Variants in GLCE observed in about 807,000 individuals in gnomAD.
GLCE encodes the protein glucuronic acid epimerase.
Under a neutral mutation model 47.9 loss-of-function variants are expected in GLCE, and 19 were observed. The observed-to-expected ratio is 0.40, with a 90% CI of 0.28 to 0.58. The LOEUF is 0.58. GLCE is among the 20% of genes least tolerant of loss of function. GLCE has a pLI of 0.48. For missense variants in GLCE, 556 were observed against 743.3 expected, an observed-to-expected ratio of 0.75 and a Z score of 2.93; for synonymous variants, 245 against 263.4, an observed-to-expected ratio of 0.93 and a Z score of 0.68.
In GLCE at chr15:69,180,377, C is replaced by G. The variant is rs534222419; in HGVS notation, c.-105+19620C>G. Among the ~76,000 whole-genome samples the G allele has an allele frequency of 1.1e-4, 16 of 152,054 alleles. 1 individual carries two copies. In the South Asian group the frequency reaches 3.1e-3, roughly 30 times the overall value. On this transcript the variant is annotated intron_variant, in intron 1 of 4. Transcript: ENST00000261858. ...CCTACCCCTACCCTGAGAAGACATA[C>G]ATTTTAGATGAGTGAATTAAAAAAA...
At chr15:69,255,558 A>G (rs760315636) in intron 2 of GLCE, among the ~76,000 whole-genome samples, 15 of 152,144 alleles carry the variant, frequency 9.9e-5, no homozygotes, top group East Asian at 1.9e-4. Flanking sequence ...ACAAACTAAG[A>G]AAGTTTGAAC....
At chr15:69,265,473 A>C (rs2053072461) in intron 4 of GLCE, among the ~76,000 whole-genome samples, 2 of 152,166 alleles carry the variant, frequency 1.3e-5, no homozygotes, top group South Asian at 4.1e-4. Context: ...GATTGTTGTG[A>C]AGATTATAAT....
In GLCE at chr15:69,261,253, T is replaced by C. The variant is rs2053010020; in HGVS notation, c.753T>C (p.Thr251=). Residue 251 remains threonine (T), a synonymous_variant, in exon 4 of 5, where the codon ACT becomes ACC. Transcript: ENST00000261858. The part of the protein sequence containing the change: ...DRDKNKPNDW[T]VPKGCFMANV... ...ACAAAAACAAGCCTAATGACTGGAC[T>C]GTGCCAAAGGGCTGCTTTATGGCGA... is the stretch of plus-strand genomic sequence containing the variant. 2 of 1,614,008 alleles carry C rather than the reference T, an allele frequency of 1.2e-6. No individual in the cohort carries two copies. Among genetic ancestry groups the C allele is most frequent in the East Asian group, 2.2e-5 (1 of 44,890 alleles).
intron 2 of GLCE, among the ~76,000 whole-genome samples, chr15:69,229,156 A>T (rs1471027884): frequency 1.3e-5 from 2 of 152,250 alleles, no homozygotes; most frequent in African/African-American, 4.8e-5. Context: ...AAAGAAGGTC[A>T]TTTCATAATA....
At chr15:69,204,202 TTCCTCA>T (rs2052115870) in intron 1 of GLCE, among the ~76,000 whole-genome samples, 3 of 152,096 alleles carry the variant, frequency 2.0e-5, no homozygotes, top group African/African-American at 7.2e-5. Context: ...CCAGCTTGCA[TTCCTCA>T]TCCTACTTAT....
chr15:69,255,919 A>C lies in GLCE; in HGVS notation c.113A>C (p.Gln38Pro). Residue 38 changes from glutamine to proline, a missense_variant, in exon 3 of 5, where the codon CAG becomes CCG. Physicochemically the swap from Gln to Pro is moderately conservative, Grantham distance 76. Around this residue, in one of 3 missense-constraint regions of GLCE, gnomAD observed 237 missense variants for 310.9 expected, o/e 0.76. Coordinates refer to ENST00000261858, the MANE Select transcript of GLCE (RefSeq NM_015554.3). The stretch of plus-strand genomic sequence containing the variant: ...AAGTGTTCCAGTGACAAAGCAATCC[A>C]GTTTCCACGGCGTTCGAGTAGTGGC... ...WNKCSSDKAIQFPRRSSSGFR... is the reference protein window; with the variant it reads ...WNKCSSDKAIPFPRRSSSGFR... 1 of 1,614,070 alleles carries C rather than the reference A, an allele frequency of 6.2e-7. No homozygotes were observed. The highest frequency in any genetic ancestry group is 8.5e-7 in the Non-Finnish European group (1 of 1,179,984).
chr15:69,261,203 G>A lies in GLCE; in HGVS notation c.703G>A (p.Val235Ile), dbSNP rs2053009091. 3.7e-6 allele frequency: 6 copies of A among 1,614,096 alleles called. No individual in the cohort carries two copies. The highest frequency in any genetic ancestry group is 5.1e-6 in the Non-Finnish European group (6 of 1,179,978). Residue 235 changes from valine (V) to isoleucine (I), a missense_variant, in exon 4 of 5, where the codon GTA becomes ATA. Physicochemically the swap from Val to Ile is conservative, Grantham distance 29 (BLOSUM62 3). Coordinates refer to ENST00000261858, the MANE Select transcript of GLCE (RefSeq NM_015554.3). ...AACTGAGAAACCTCCTCACATAGAGGTATATGAAACAGCAGAAGACAGAGA... is the reference window on the plus strand; with the variant it reads ...AACTGAGAAACCTCCTCACATAGAGATATATGAAACAGCAGAAGACAGAGA... ...NLTEKPPHIE[V>I]YETAEDRDKN...
chr15:69,167,005 C>T (rs1396380048), intron 1 of GLCE, among the ~76,000 whole-genome samples: 1 of 150,266 alleles, frequency 6.7e-6, no homozygotes, highest in Admixed American at 6.6e-5. Flanking sequence ...CACTTGAGTT[C>T]AGGAGTTCGA....
chr15:69,246,661 A>G (rs2052753792), intron 2 of GLCE, among the ~76,000 whole-genome samples: 1 of 151,120 alleles, frequency 6.6e-6, no homozygotes, highest in Non-Finnish European at 1.5e-5. Flanking sequence ...GGTTGCAGTG[A>G]GCCGAGATCA....
At chr15:69,243,742 T>TTTTAAAAAAAA in intron 2 of GLCE, among the ~76,000 whole-genome samples, 1 of 152,052 alleles carries the variant, frequency 6.6e-6, no homozygotes, top group East Asian at 1.9e-4. Flanking sequence ...TTATTCCCCT[T>TTTTAAAAAAAA]GACTTCTTGC....
intron 2 of GLCE, among the ~76,000 whole-genome samples, chr15:69,250,048 G>A (rs1322375713): frequency 6.6e-6 from 1 of 152,090 alleles, no homozygotes; most frequent in Admixed American, 6.5e-5. Context: ...AATCTTTAGG[G>A]TCAGCAGTAG....
chr15:69,200,070 A>G (rs971519135), intron 1 of GLCE, among the ~76,000 whole-genome samples: 1 of 152,128 alleles, frequency 6.6e-6, no homozygotes, highest in Non-Finnish European at 1.5e-5. Context: ...TCCTTTCACT[A>G]GTATTTTGTG....
intron 1 of GLCE, among the ~76,000 whole-genome samples, chr15:69,167,603 A>G (rs1408426742): frequency 1.3e-5 from 2 of 152,226 alleles, no homozygotes; most frequent in South Asian, 2.1e-4. Context: ...AGTCACTGCC[A>G]TGAAGAAGCT....
intron 1 of GLCE, among the ~76,000 whole-genome samples, chr15:69,173,341 A>G (rs1481118885): frequency 3.3e-5 from 5 of 152,194 alleles, no homozygotes; most frequent in Non-Finnish European, 5.9e-5. Context: ...GTTGGGGTAT[A>G]TGATAATACT....
chr15:69,199,619 A>G (rs748424560), intron 1 of GLCE, among the ~76,000 whole-genome samples: 10 of 152,184 alleles, frequency 6.6e-5, no homozygotes, highest in Non-Finnish European at 1.5e-4. Flanking sequence ...CTATATTTTT[A>G]TAGTTGAGGA....
At chr15:69,174,262 G>A (rs1258155347) in intron 1 of GLCE, among the ~76,000 whole-genome samples, 1 of 151,984 alleles carries the variant, frequency 6.6e-6, no homozygotes, top group East Asian at 1.9e-4. Flanking sequence ...AAAGATGATG[G>A]CATAAGTATC....
At chr15:69,166,992 G>A (rs906670710) in intron 1 of GLCE, among the ~76,000 whole-genome samples, 1 of 150,178 alleles carries the variant, frequency 6.7e-6, no homozygotes, top group East Asian at 2.0e-4. Context: ...GAAGCAGGTG[G>A]ATCACTTGAG....
At chr15:69,185,694 T>G (rs911768884) in intron 1 of GLCE, among the ~76,000 whole-genome samples, 5 of 151,966 alleles carry the variant, frequency 3.3e-5, no homozygotes, top group Non-Finnish European at 7.4e-5. Flanking sequence ...AGAAGAAGAC[T>G]TCTGTGACCA....
intron 1 of GLCE, among the ~76,000 whole-genome samples, chr15:69,209,211 G>T (rs2052193441): frequency 1.3e-5 from 2 of 151,594 alleles, no homozygotes; most frequent in South Asian, 2.1e-4. Context: ...TGTAATAATG[G>T]CTCTAAATAT....
Sources: allele counts gnomAD v4.1 joint callset (sites outside exome capture counted in the v4.1 genomes callset), GRCh38; gene constraint gnomAD v4.1.1; regional missense constraint gnomAD v4.1.1; transcripts MANE v1.5; gene names NCBI Gene and HGNC (gene_info 2026-07-23, HGNC 2026-07-21).